SLIT3: variants seen among roughly 807,000 people sequenced by gnomAD.
The protein encoded by SLIT3 is slit homolog 3 protein.
SLIT3 carries 68 observed loss-of-function variants against 184.0 expected under a neutral mutation model. The observed-to-expected ratio is 0.37, with a 90% CI of 0.30 to 0.45. The LOEUF (loss-of-function observed/expected upper bound fraction) is 0.45. Ranked by LOEUF, SLIT3 falls within the 20% of genes least tolerant of loss-of-function variation. The pLI, the probability that SLIT3 is intolerant of heterozygous loss-of-function variation, is 1.00. For missense variants in SLIT3, 1,707 were observed against 2,026.0 expected, an observed-to-expected ratio of 0.84 and a Z score of 3.02; for synonymous variants, 831 against 828.6, an observed-to-expected ratio of 1.00 and a Z score of -0.05.
At chr5:169,034,313 C>G (rs1428836896) in intron 4 of SLIT3, among the ~76,000 whole-genome samples, 2 of 151,974 alleles carry the variant, frequency 1.3e-5, no homozygotes, top group African/African-American at 4.8e-5. Context: ...CCAAAAAAAA[C>G]CTGTCAAGGC....
At chr5:168,924,772 C>A (rs565184910) in intron 4 of SLIT3, among the ~76,000 whole-genome samples, 141 of 152,302 alleles carry the variant, frequency 9.3e-4, no homozygotes, top group African/African-American at 3.2e-3. Flanking sequence ...TTTGGCATCT[C>A]AAAGTATTAG....
chr5:168,731,370 C>T (rs1402748584), intron 20 of SLIT3, among the ~76,000 whole-genome samples: 2 of 151,806 alleles, frequency 1.3e-5, no homozygotes, highest in Admixed American at 6.6e-5. Flanking sequence ...TGAATTCTAA[C>T]AAGCACACAA....
At chr5:168,801,925 C>T (rs528305919) in intron 9 of SLIT3, among the ~76,000 whole-genome samples, 13 of 152,012 alleles carry the variant, frequency 8.6e-5, no homozygotes, top group African/African-American at 2.2e-4. Context: ...AGAGAGTCTG[C>T]GAGACTGTTT....
At chr5:169,265,244 G>A (rs1392553509) in intron 1 of SLIT3, among the ~76,000 whole-genome samples, 6 of 152,178 alleles carry the variant, frequency 3.9e-5, no homozygotes, top group East Asian at 1.9e-4. Context: ...GTAGCCCACC[G>A]GTGAGTTCTG....
At chr5:168,909,002 T>A (rs747740899) in intron 4 of SLIT3, among the ~76,000 whole-genome samples, 55 of 152,160 alleles carry the variant, frequency 3.6e-4, no homozygotes, top group Non-Finnish European at 5.7e-4. Flanking sequence ...AAAGGTGACA[T>A]GAAAACCACC....
chr5:169,089,318 A>C lies in SLIT3; in HGVS notation c.413+104161T>G, dbSNP rs564521342. Among the ~76,000 whole-genome samples the C allele has an allele frequency of 1.3e-4, 20 of 152,230 alleles. No homozygotes were observed. In the East Asian group the frequency reaches 3.7e-3, roughly 28 times the overall value. On this transcript the variant is annotated intron_variant, in intron 4 of 35. Coordinates refer to ENST00000519560, the MANE Select transcript of SLIT3 (RefSeq NM_003062.4). ...AAACTTCTAGAAACCTCTTCCTGAG[A>C]GTGTCTAAAGCCTGAGGTTCTCTTG...
intron 20 of SLIT3, among the ~76,000 whole-genome samples, chr5:168,725,539 GCCA>G (rs1561895618): frequency 6.6e-6 from 1 of 152,194 alleles, no homozygotes; most frequent in African/African-American, 2.4e-5. Flanking sequence ...TCAACACATA[GCCA>G]CTGCTGTCCA....
intron 32 of SLIT3, among the ~76,000 whole-genome samples, chr5:168,676,615 TCAGA>T (rs926406160): frequency 2.0e-5 from 3 of 152,320 alleles, no homozygotes; most frequent in African/African-American, 4.8e-5. Flanking sequence ...CCTTGAGCCC[TCAGA>T]CAGTTTTCTA....
At chr5:168,806,618 T>A in intron 8 of SLIT3, 31 bp from the exon 9 acceptor site, 1 of 1,612,818 alleles carries the variant, frequency 6.2e-7, no homozygotes, top group Non-Finnish European at 8.5e-7. Flanking sequence ...GGTCAACTTA[T>A]GTCAGTGTCA....
At chr5:169,075,002 T>C (rs902463214) in intron 4 of SLIT3, among the ~76,000 whole-genome samples, 1 of 152,200 alleles carries the variant, frequency 6.6e-6, no homozygotes, top group Non-Finnish European at 1.5e-5. Flanking sequence ...GCTCTGCTAT[T>C]GAGCTGTTCT....
chr5:168,924,472 G>A (rs1405070560), intron 4 of SLIT3, among the ~76,000 whole-genome samples: 1 of 151,444 alleles, frequency 6.6e-6, no homozygotes, highest in Non-Finnish European at 1.5e-5. Context: ...AATTAATAAG[G>A]AACATTTAAG....
In SLIT3 at chr5:168,686,963, TGCCCTCCTGCCTTACCTGAA is replaced by T. The variant is rs1469011292; in HGVS notation, c.3310_3314+15del. On this transcript the variant is annotated splice_donor_variant and splice_donor_5th_base_variant and coding_sequence_variant and intron_variant, in exon 30 of 36. Coordinates refer to ENST00000519560, the MANE Select transcript of SLIT3 (RefSeq NM_003062.4). LOFTEE classifies it high-confidence loss of function. Reference sequence around the variant, plus strand: ...GGCCCAGGCTGTCTCCTTCCTGAGGTGCCCTCCTGCCTTACCTGAAGCCCTGGGGGCAGGTGCATGTGTAG... The same window carrying T: ...GGCCCAGGCTGTCTCCTTCCTGAGGTGCCCTGGGGGCAGGTGCATGTGTAG... The T allele has an allele frequency of 6.2e-7, 1 of 1,609,756 alleles. No individual in the cohort carries two copies. Among genetic ancestry groups the T allele is most frequent in the East Asian group, 2.2e-5 (1 of 44,744 alleles).
intron 4 of SLIT3, among the ~76,000 whole-genome samples, chr5:169,097,024 TC>T (rs1759812186): frequency 6.6e-6 from 1 of 152,200 alleles, no homozygotes; most frequent in Non-Finnish European, 1.5e-5. Flanking sequence ...TTTAGATGGT[TC>T]TGGTGGACCA....
intron 4 of SLIT3, among the ~76,000 whole-genome samples, chr5:169,164,203 A>G (rs1762562656): frequency 6.6e-6 from 1 of 152,218 alleles, no homozygotes; most frequent in Non-Finnish European, 1.5e-5. Flanking sequence ...CAGGGCCTCT[A>G]AGTACCATCC....
chr5:169,191,686 C>T (rs1763556051), intron 4 of SLIT3, among the ~76,000 whole-genome samples: 1 of 152,172 alleles, frequency 6.6e-6, no homozygotes, highest in South Asian at 2.1e-4. Context: ...GAGGACATAA[C>T]TCATAGGTTC....
chr5:169,213,333 A>C (rs1160938191), intron 3 of SLIT3, among the ~76,000 whole-genome samples: 10 of 152,214 alleles, frequency 6.6e-5, no homozygotes, highest in African/African-American at 2.4e-4. Flanking sequence ...AAAGAAAAAA[A>C]CATCCATGCT....
chr5:168,822,621 G>A (rs779762570), intron 7 of SLIT3, among the ~76,000 whole-genome samples: 1 of 152,108 alleles, frequency 6.6e-6, no homozygotes, highest in Non-Finnish European at 1.5e-5. Context: ...AACTGCTCTC[G>A]GTATTGGTCA....
rs534914296 is a variant in SLIT3 at position 168,787,880 on chromosome 5, A to C, written c.1079+1680T>G. ...CTTGTGTTCAACTGTAAGCTCTGTCAGGCCAAGGATCCTGTGTGTACAGTT... is the reference window on the plus strand; with the variant it reads ...CTTGTGTTCAACTGTAAGCTCTGTCCGGCCAAGGATCCTGTGTGTACAGTT... On this transcript the variant is annotated intron_variant, in intron 11 of 35. Transcript: ENST00000519560. 1.3e-4 allele frequency among the ~76,000 whole-genome samples: 20 copies of C among 152,286 alleles called. No homozygotes were observed. In the South Asian group the frequency reaches 4.2e-3, roughly 32 times the overall value.
chr5:168,927,004 C>T (rs775931102), intron 4 of SLIT3, among the ~76,000 whole-genome samples: 9 of 152,200 alleles, frequency 5.9e-5, no homozygotes, highest in Admixed American at 1.3e-4. Flanking sequence ...ACCATACGAT[C>T]CAGCAGTTCC....
Sources: gnomAD v4.1 joint callset for allele counts (sites outside exome capture counted in the v4.1 genomes callset) on GRCh38, gnomAD v4.1.1 for gene constraint, MANE v1.5 for transcripts, NCBI Gene and HGNC (gene_info 2026-07-23, HGNC 2026-07-21) for gene names.